The following EYA1 variants were observed in gnomAD, a reference collection of about 807,000 sequenced individuals.
EYA1 encodes protein phosphatase EYA1.
In EYA1, 16 loss-of-function variants were observed where a neutral mutation model predicts 82.0. That is an observed-to-expected ratio of 0.20 (90% CI 0.13 to 0.30). EYA1 has a LOEUF of 0.30. Ranked by LOEUF, EYA1 falls within the 10% of genes least tolerant of loss-of-function variation. The probability of loss-of-function intolerance (pLI) is 1.00; values close to 1 mark genes in which losing one functional copy is unlikely to be tolerated. For missense variants in EYA1, 633 were observed against 730.7 expected (o/e 0.87, Z 1.54); for synonymous variants, 261 against 264.4 (o/e 0.99, Z 0.12).
At chr8:71,313,171 AT>A (rs1031314819) in intron 7 of EYA1, among the ~76,000 whole-genome samples, 9 of 151,764 alleles carry the variant, frequency 5.9e-5, no homozygotes, top group African/African-American at 2.2e-4. Flanking sequence ...CTCTCTCCTG[AT>A]TTTTTTCTTC....
At chr8:71,346,503 A>G (rs1825761748) in intron 3 of EYA1, among the ~76,000 whole-genome samples, 1 of 146,100 alleles carries the variant, frequency 6.8e-6, no homozygotes, top group South Asian at 2.2e-4. Flanking sequence ...CAAAATGTTT[A>G]CTTCCAATTA....
At chr8:71,304,430 C>T (rs1280453441) in intron 7 of EYA1, among the ~76,000 whole-genome samples, 1 of 142,574 alleles carries the variant, frequency 7.0e-6, no homozygotes, top group African/African-American at 2.5e-5. Context: ...GAGTTATTTC[C>T]CTTTTTTATG....
intron 2 of EYA1, among the ~76,000 whole-genome samples, chr8:71,438,941 AGAATTGGCCAGAGCAG>A (rs1038686027): frequency 6.6e-6 from 1 of 152,118 alleles, no homozygotes; most frequent in Admixed American, 6.5e-5. Flanking sequence ...TCCTGAGATA[AGAATTGGCCAGAGCAG>A]GCAGCAAGTG....
At chr8:71,240,383 T>C (rs1030115499) in intron 12 of EYA1, among the ~76,000 whole-genome samples, 3 of 152,098 alleles carry the variant, frequency 2.0e-5, no homozygotes, top group Non-Finnish European at 4.4e-5. Context: ...ATATTCATGT[T>C]GTAAATCTTG....
At chr8:71,511,850 C>A (rs755637390) in intron 2 of EYA1, among the ~76,000 whole-genome samples, 4 of 152,042 alleles carry the variant, frequency 2.6e-5, no homozygotes, top group Non-Finnish European at 5.9e-5. Flanking sequence ...AGGAGCAAAG[C>A]AGGAAGGGGA....
chr8:71,283,073 T>C (rs1817998129), intron 9 of EYA1, among the ~76,000 whole-genome samples: 1 of 152,010 alleles, frequency 6.6e-6, no homozygotes, highest in Admixed American at 6.6e-5. Flanking sequence ...CCCAAATCCT[T>C]CTCATGCCCA....
intron 11 of EYA1, 110 bp downstream of exon 11, chr8:71,269,630 C>T: frequency 4.1e-6 from 3 of 734,624 alleles, no homozygotes; most frequent in Non-Finnish European, 4.6e-6. Flanking sequence ...AGTTCTTCTC[C>T]ATTTATATTT....
At chr8:71,458,128 T>G (rs73298357) in intron 2 of EYA1, among the ~76,000 whole-genome samples, 17,467 of 152,038 alleles carry the variant, frequency 0.11, 1,826 homozygotes, top group East Asian at 0.47. Flanking sequence ...AAAAAAACTT[T>G]TAAATATAGA....
At chr8:71,429,921 A>G (rs1805500691) in intron 2 of EYA1, among the ~76,000 whole-genome samples, 1 of 152,186 alleles carries the variant, frequency 6.6e-6, no homozygotes, top group Non-Finnish European at 1.5e-5. Flanking sequence ...GGCATTATGA[A>G]TACAGTCAAG....
intron 2 of EYA1, among the ~76,000 whole-genome samples, chr8:71,394,297 T>A (rs141027019): frequency 6.6e-6 from 1 of 152,352 alleles, no homozygotes; most frequent in East Asian, 1.9e-4. Flanking sequence ...TTAGTTTAAA[T>A]AGATCCCTTT....
chr8:71,364,886 T>C (rs72654195), upstream of EYA1, among the ~76,000 whole-genome samples: 10,501 of 145,206 alleles, frequency 0.072, 428 homozygotes, highest in African/African-American at 0.11. Context: ...TCAATTTTGG[T>C]AGAAGAGTTT....
intron 2 of EYA1, among the ~76,000 whole-genome samples, chr8:71,396,334 C>A (rs202052757): frequency 6.6e-6 from 1 of 152,128 alleles, no homozygotes; most frequent in Non-Finnish European, 1.5e-5. Flanking sequence ...CTTCTGCTAG[C>A]TTTTGAATGT....
chr8:71,340,737 C>T (rs1487693242), intron 3 of EYA1, among the ~76,000 whole-genome samples: 1 of 152,116 alleles, frequency 6.6e-6, no homozygotes, highest in African/African-American at 2.4e-5. Flanking sequence ...TAAACTGCTT[C>T]ATGACCTAAA....
At chr8:71,304,251 C>T (rs1285635093) in intron 7 of EYA1, among the ~76,000 whole-genome samples, 1 of 142,292 alleles carries the variant, frequency 7.0e-6, no homozygotes, top group African/African-American at 2.5e-5. Flanking sequence ...TCCTCACAAC[C>T]ACCCCAGGAG....
chr8:71,266,298 A>C (rs545490989), intron 11 of EYA1, among the ~76,000 whole-genome samples: 4 of 152,330 alleles, frequency 2.6e-5, no homozygotes, highest in African/African-American at 9.6e-5. Context: ...AACTCCTTTA[A>C]GACTTTTCTC....
chr8:71,452,009 C>T (rs761974821), intron 2 of EYA1, among the ~76,000 whole-genome samples: 38 of 152,302 alleles, frequency 2.5e-4, no homozygotes, highest in Middle Eastern at 3.4e-3. Flanking sequence ...TCAGGGAATT[C>T]CCTTTCCTAG....
chr8:71,483,651 C>T (rs554626093), intron 2 of EYA1, among the ~76,000 whole-genome samples: 85 of 150,316 alleles, frequency 5.7e-4, no homozygotes, highest in Middle Eastern at 3.4e-3. Context: ...TGCCTAATAG[C>T]GTCAATGGTA....
At chr8:71,228,936 T>C (rs1810879541) in intron 12 of EYA1, among the ~76,000 whole-genome samples, 1 of 152,222 alleles carries the variant, frequency 6.6e-6, no homozygotes, top group Non-Finnish European at 1.5e-5. Context: ...TAGGTTTTGC[T>C]GTTCCAGGCA....
intron 2 of EYA1, among the ~76,000 whole-genome samples, chr8:71,532,487 T>A (rs774193060): frequency 2.0e-5 from 3 of 152,308 alleles, no homozygotes; most frequent in Non-Finnish European, 4.4e-5. Flanking sequence ...AAAGAACCAT[T>A]GAGACTTGAG....
Sources: allele counts gnomAD v4.1 joint callset (sites outside exome capture counted in the v4.1 genomes callset), GRCh38; gene constraint gnomAD v4.1.1; transcripts MANE v1.5; gene names NCBI Gene and HGNC (gene_info 2026-07-23, HGNC 2026-07-21).